The following EGR3 variants were observed in gnomAD, a reference collection of about 807,000 sequenced individuals.
EGR3 encodes the protein early growth response 3.
In EGR3, 4 loss-of-function variants were observed where a neutral mutation model predicts 22.4. The observed-to-expected ratio is 0.18, with a 90% CI of 0.09 to 0.41. EGR3 has a LOEUF of 0.41. Ranked by LOEUF, EGR3 falls within the 10% of genes least tolerant of loss-of-function variation. The probability of loss-of-function intolerance (pLI) is 1.00; values close to 1 mark genes in which losing one functional copy is unlikely to be tolerated. For missense variants in EGR3, 315 were observed against 541.3 expected, an observed-to-expected ratio of 0.58 and a Z score of 4.15; for synonymous variants, 219 against 226.8, an observed-to-expected ratio of 0.97 and a Z score of 0.31.
rs1804003668 is a variant in EGR3, at chr8:22,692,430, C to A, written c.154+361G>T. On this transcript the variant is annotated intron_variant, in intron 1 of 1. Coordinates refer to ENST00000317216, the MANE Select transcript of EGR3 (RefSeq NM_004430.3). This position sits in a 1 kb window ranked among gnomAD's most constrained non-coding sequence, Gnocchi z 6.2. ...CCGGGAAGAGGGCGACAGCACCACG[C>A]CTTGCGCGTAGCCCGGCGATCGGGC... 41 of 1,428,138 alleles carry A rather than the reference C, an allele frequency of 2.9e-5. No individual in the cohort carries two copies. Among genetic ancestry groups the A allele is most frequent in the Non-Finnish European group, 3.6e-5 (39 of 1,095,968 alleles). 88.5% of individuals were successfully genotyped at this position (1,428,138 alleles called of 1,614,324 possible).
intron 1 of EGR3, 60 bp from the exon 2 acceptor site, chr8:22,691,542 G>C (rs997767556): frequency 6.3e-7 from 1 of 1,579,690 alleles, no homozygotes; most frequent in Non-Finnish European, 8.6e-7. Context: ...TCCGGGCCGC[G>C]GCGCCCAGGT....
In EGR3 at chr8:22,692,616, C is replaced by T; in HGVS notation, c.154+175G>A. The T allele has an allele frequency of 2.1e-6, 3 of 1,441,880 alleles. No individual in the cohort carries two copies. Among genetic ancestry groups the T allele is most frequent in the Non-Finnish European group, 2.7e-6 (3 of 1,097,584 alleles). 89.3% of individuals were successfully genotyped at this position (1,441,880 alleles called of 1,614,324 possible). A position where few individuals can be genotyped will look rare whatever the true frequency, so the allele number is the denominator to read the frequency against. ...GGAGTGGGTGGGAAAAGCAACTCGCCCCCCGCAAAATTCCCAGCGCGCCCC... is the reference window on the plus strand; with the variant it reads ...GGAGTGGGTGGGAAAAGCAACTCGCTCCCCGCAAAATTCCCAGCGCGCCCC... On this transcript the variant is annotated intron_variant, in intron 1 of 1. Transcript: ENST00000317216. The surrounding 1 kb of genome is among the most constrained non-coding windows in gnomAD (Gnocchi z 6.2).
chr8:22,690,251 G>A lies in EGR3; in HGVS notation c.*222C>T, dbSNP rs1803897352. On this transcript the variant is annotated 3_prime_UTR_variant, in exon 2 of 2. Coordinates refer to ENST00000317216, the MANE Select transcript of EGR3 (RefSeq NM_004430.3). ...CTTTCCGCCCCCACGCCTTGGCTAAGTGGGGGACCGCGAGGGGAAGGCGCC... is the reference window on the plus strand; with the variant it reads ...CTTTCCGCCCCCACGCCTTGGCTAAATGGGGGACCGCGAGGGGAAGGCGCC... The A allele has an allele frequency of 7.0e-6, 4 of 575,146 alleles. No individual in the cohort carries two copies. Among genetic ancestry groups the A allele is most frequent in the Non-Finnish European group, 1.2e-5 (4 of 325,698 alleles). The allele number at this position is 575,146 out of a possible 1,614,324, so 35.6% of individuals were successfully genotyped here.
At chr8:22,691,783 T>C in intron 1 of EGR3, 1 of 985,380 alleles carries the variant, frequency 1.0e-6, no homozygotes, top group Non-Finnish European at 1.2e-6. Context: ...ATTGTTGTTC[T>C]TCCCGAGGTG....
rs1803937952 is a variant in EGR3 at position 22,691,106 on chromosome 8, T to C, written c.531A>G (p.Gln177=). 1.2e-6 allele frequency: 2 copies of C among 1,613,708 alleles called. No individual in the cohort carries two copies. Among genetic ancestry groups the C allele is most frequent in the South Asian group, 1.1e-5 (1 of 91,070 alleles). The change falls in exon 2 of 2, where the codon CAA becomes CAG. Residue 177 remains glutamine (Q), a synonymous_variant. Transcript: ENST00000317216. The part of the protein sequence containing the change: ...PGLAYSPQDY[Q]SAKPALDSNL... ...TGCTGTCCAACGCCGGCTTGGCCGA[T>C]TGGTAATCCTGGGGGGAATAGGCGA... is the stretch of plus-strand genomic sequence containing the variant.
rs1442353387 is a variant in EGR3 at position 22,693,453 on chromosome 8, G to GC, written c.-510dup. 2.6e-5 allele frequency among the ~76,000 whole-genome samples: 4 copies of GC among 151,370 alleles called. No individual in the cohort carries two copies. Among genetic ancestry groups the GC allele is most frequent in the Admixed American group, 1.3e-4 (2 of 15,204 alleles). On this transcript the variant is annotated 5_prime_UTR_variant, in exon 1 of 2. Coordinates refer to ENST00000317216, the MANE Select transcript of EGR3 (RefSeq NM_004430.3). ...CCACCACCAGCCCCGCCGCTTCCTA[G>GC]CAAGCTCACTGCTGCCCAAAAGCTC... is the stretch of plus-strand genomic sequence containing the variant.
Position 22,688,179 on chromosome 8 carries a change from G to C in EGR3, c.*2294C>G, listed in dbSNP as rs1803827808. On this transcript the variant is annotated 3_prime_UTR_variant, in exon 2 of 2. Transcript: ENST00000317216. ...AAAATCTGGATAGCACAACCTTTTG[G>C]CAACAAAGTTATTTTTCTCTTAGTT... 1.3e-5 allele frequency: 2 copies of C among 151,758 alleles called. No individual in the cohort carries two copies. The highest frequency in any genetic ancestry group is 4.2e-4 in the South Asian group (2 of 4,814). The allele number at this position is 151,758 out of a possible 1,614,324, so 9.4% of individuals were successfully genotyped here. A position where few individuals can be genotyped will look rare whatever the true frequency, so the allele number is the denominator to read the frequency against.
At position 22,691,119 on chromosome 8, in the gene EGR3, G is replaced by T. The variant is rs1212576969; in HGVS notation, c.518C>A (p.Pro173His). Reference protein sequence around the residue: ...PQGNPGLAYSPQDYQSAKPAL... With the variant: ...PQGNPGLAYSHQDYQSAKPAL... ...CGGCTTGGCCGATTGGTAATCCTGG[G>T]GGGAATAGGCGAGCCCGGGATTGCC... Residue 173 changes from proline to histidine, a missense_variant, in exon 2 of 2, where the codon CCC becomes CAC. By Grantham distance (77) the Pro-to-His change is moderately conservative. Transcript: ENST00000317216. 1.2e-6 allele frequency: 2 copies of T among 1,614,050 alleles called. No homozygotes were observed. Among genetic ancestry groups the T allele is most frequent in the Admixed American group, 3.3e-5 (2 of 60,008 alleles).
Position 22,691,084 on chromosome 8 carries a change from T to C in EGR3, c.553A>G (p.Ser185Gly). 1 of 1,613,630 alleles carries C rather than the reference T, an allele frequency of 6.2e-7. No homozygotes were observed. Among genetic ancestry groups the C allele is most frequent in the Non-Finnish European group, 8.5e-7 (1 of 1,179,602 alleles). The change falls in exon 2 of 2, where the codon AGC (serine) becomes GGC (glycine). Residue 185 changes from serine to glycine, a missense_variant. Ser to Gly is a moderately conservative substitution (Grantham distance 56, BLOSUM62 0). Coordinates refer to ENST00000317216, the MANE Select transcript of EGR3 (RefSeq NM_004430.3). ...DYQSAKPALD[S>G]NLFPMIPDYN... is the part of the protein sequence containing the mutation. The stretch of plus-strand genomic sequence containing the variant: ...TCAGGAATCATGGGGAAGAGATTGC[T>C]GTCCAACGCCGGCTTGGCCGATTGG...
rs766452967 is a variant in EGR3 at position 22,692,958 on chromosome 8, T to TGCCGCCGCC, written c.-23_-15dup. ...TTTGCCGGTCATAGCACTCCCGAGC[T>TGCCGCCGCC]GCCGCCGCCGCCGCCACCGCCGCCA... is the stretch of plus-strand genomic sequence containing the variant. On this transcript the variant is annotated 5_prime_UTR_variant, in exon 1 of 2. Transcript: ENST00000317216. The surrounding 1 kb of genome is among the most constrained non-coding windows in gnomAD (Gnocchi z 6.2). 1.1e-5 allele frequency: 18 copies of TGCCGCCGCC among 1,598,982 alleles called. No homozygotes were observed. The highest frequency in any genetic ancestry group is 5.4e-5 in the African/African-American group (4 of 73,446).
Position 22,691,171 on chromosome 8 carries a change from C to A in EGR3, c.466G>T (p.Glu156Ter). The A allele has an allele frequency of 6.2e-7, 1 of 1,614,052 alleles. No homozygotes were observed. Among genetic ancestry groups the A allele is most frequent in the Non-Finnish European group, 8.5e-7 (1 of 1,180,018 alleles). Residue 156 changes from glutamate to a stop codon, truncating the protein, a stop_gained, in exon 2 of 2, where the codon GAG (glutamate) becomes TAG (stop). Transcript: ENST00000317216. LOFTEE classifies it high-confidence loss of function. ...TGGGGGTCGTGGAAAGACACGGGCT[C>A]TGAGTAGAGGTCGCCGCAGTTGGAG... is the stretch of plus-strand genomic sequence containing the variant. ...PYSNCGDLYS[E>*]PVSFHDPQGN...
At position 22,688,824 on chromosome 8, in the gene EGR3, G is replaced by A. The variant is rs539690050; in HGVS notation, c.*1649C>T. On this transcript the variant is annotated 3_prime_UTR_variant, in exon 2 of 2. Transcript: ENST00000317216. Reference sequence around the variant, plus strand: ...CCACTTCAAAGGAGCCACCCTGTACGAGAAGGGCTGGCAGGACAGCTGGGG... The same window carrying A: ...CCACTTCAAAGGAGCCACCCTGTACAAGAAGGGCTGGCAGGACAGCTGGGG... 3.3e-5 allele frequency: 5 copies of A among 152,782 alleles called. No individual in the cohort carries two copies. Among genetic ancestry groups the A allele is most frequent in the African/African-American group, 1.2e-4 (5 of 41,564 alleles). The allele number at this position is 152,782 out of a possible 1,614,324, so 9.5% of individuals were successfully genotyped here.
Position 22,689,394 on chromosome 8 carries a change from A to G in EGR3, c.*1079T>C, listed in dbSNP as rs1803868225. On this transcript the variant is annotated 3_prime_UTR_variant, in exon 2 of 2. Coordinates refer to ENST00000317216, the MANE Select transcript of EGR3 (RefSeq NM_004430.3). ...GGGCAAAAGCAGAGCCAGCTTCCCC[A>G]TGATGGTGGGAAGGAGAAATTGCTA... 1 of 152,634 alleles carries G rather than the reference A, an allele frequency of 6.6e-6. No individual in the cohort carries two copies. The highest frequency in any genetic ancestry group is 2.4e-5 in the African/African-American group (1 of 41,448). The allele number at this position is 152,634 out of a possible 1,614,324, so 9.5% of individuals were successfully genotyped here.
chr8:22,692,676 CCCATCCAT>C lies in EGR3; in HGVS notation c.154+107_154+114del, dbSNP rs770711526. On this transcript the variant is annotated intron_variant, in intron 1 of 1. Coordinates refer to ENST00000317216, the MANE Select transcript of EGR3 (RefSeq NM_004430.3). This position sits in a 1 kb window ranked among gnomAD's most constrained non-coding sequence, Gnocchi z 6.2. Reference sequence around the variant, plus strand: ...ATCCATTTATCTATCCACCCATCCACCCATCCATCCATCCATCCATCCATCCATCCATC... The same window carrying C: ...ATCCATTTATCTATCCACCCATCCACCCATCCATCCATCCATCCATCCATC... 273 of 1,373,134 alleles carry C rather than the reference CCCATCCAT, an allele frequency of 2.0e-4. 1 individual carries two copies. Among genetic ancestry groups the C allele is most frequent in the African/African-American group, 1.1e-3 (70 of 66,636 alleles). The allele number at this position is 1,373,134 out of a possible 1,614,324, so 85.1% of individuals were successfully genotyped here.
rs1803990871 is a variant in EGR3 at position 22,692,123 on chromosome 8, G to T, written c.155-641C>A. ...TAGCCCCAGCTAGGGAGGGTGGAGA[G>T]CGGCGGAAAACCGGCCGGTGTCTCC... On this transcript the variant is annotated intron_variant, in intron 1 of 1. Transcript: ENST00000317216. This position sits in a 1 kb window ranked among gnomAD's most constrained non-coding sequence, Gnocchi z 6.2. 1 of 1,366,934 alleles carries T rather than the reference G, an allele frequency of 7.3e-7. No individual in the cohort carries two copies. The highest frequency in any genetic ancestry group is 1.5e-5 in the African/African-American group (1 of 65,408). 84.7% of individuals were successfully genotyped at this position (1,366,934 alleles called of 1,614,324 possible).
chr8:22,690,860 G>A lies in EGR3; in HGVS notation c.777C>T (p.Arg259=). 1.2e-6 allele frequency: 2 copies of A among 1,601,826 alleles called. No homozygotes were observed. Among genetic ancestry groups the A allele is most frequent in the African/African-American group, 1.3e-5 (1 of 74,844 alleles). Residue 259 remains arginine (R), a synonymous_variant, in exon 2 of 2, where the codon CGC becomes CGT. Transcript: ENST00000317216. The part of the protein sequence containing the change: ...PPLTLKPIRP[R]KYPNRPSKTP... ...TCTTGCTAGGCCGGTTGGGGTACTT[G>A]CGGGGCCGGATGGGCTTGAGGGTGA...
At position 22,690,061 on chromosome 8, in the gene EGR3, G is replaced by C. The variant is rs1372415556; in HGVS notation, c.*412C>G. On this transcript the variant is annotated 3_prime_UTR_variant, in exon 2 of 2. Transcript: ENST00000317216. Reference sequence around the variant, plus strand: ...GCGCTCCTTACCCCCTCCCCCTCTCGAGTCTTCGAGGGGGTATAGAGGGAG... The same window carrying C: ...GCGCTCCTTACCCCCTCCCCCTCTCCAGTCTTCGAGGGGGTATAGAGGGAG... The C allele has an allele frequency of 4.9e-6, 1 of 204,190 alleles. No homozygotes were observed. The highest frequency in any genetic ancestry group is 1.2e-4 in the East Asian group (1 of 8,208). 12.6% of individuals were successfully genotyped at this position (204,190 alleles called of 1,614,324 possible).
chr8:22,692,216 C>A lies in EGR3; in HGVS notation c.154+575G>T. 1 of 1,431,176 alleles carries A rather than the reference C, an allele frequency of 7.0e-7. No individual in the cohort carries two copies. Among genetic ancestry groups the A allele is most frequent in the Non-Finnish European group, 9.1e-7 (1 of 1,098,906 alleles). The allele number at this position is 1,431,176 out of a possible 1,614,324, so 88.7% of individuals were successfully genotyped here. A position where few individuals can be genotyped will look rare whatever the true frequency, so the allele number is the denominator to read the frequency against. Reference sequence around the variant, plus strand: ...ATCGTTCCCCGTGGCAGGCCCTCGCCCCGCGGGTGAACCCCCTCCTTCTCC... The same window carrying A: ...ATCGTTCCCCGTGGCAGGCCCTCGCACCGCGGGTGAACCCCCTCCTTCTCC... On this transcript the variant is annotated intron_variant, in intron 1 of 1. Coordinates refer to ENST00000317216, the MANE Select transcript of EGR3 (RefSeq NM_004430.3). This position sits in a 1 kb window ranked among gnomAD's most constrained non-coding sequence, Gnocchi z 6.2.
chr8:22,692,214 G>T lies in EGR3; in HGVS notation c.154+577C>A. 2 of 1,420,446 alleles carry T rather than the reference G, an allele frequency of 1.4e-6. No homozygotes were observed. Among genetic ancestry groups the T allele is most frequent in the Non-Finnish European group, 1.8e-6 (2 of 1,093,042 alleles). The allele number at this position is 1,420,446 out of a possible 1,614,324, so 88.0% of individuals were successfully genotyped here. On this transcript the variant is annotated intron_variant, in intron 1 of 1. Transcript: ENST00000317216. This position sits in a 1 kb window ranked among gnomAD's most constrained non-coding sequence, Gnocchi z 6.2. ...GGATCGTTCCCCGTGGCAGGCCCTC[G>T]CCCCGCGGGTGAACCCCCTCCTTCT...
Sources: allele counts gnomAD v4.1 joint callset (sites outside exome capture counted in the v4.1 genomes callset), GRCh38; gene constraint gnomAD v4.1.1; non-coding constraint Gnocchi (gnomAD v3.1); transcripts MANE v1.5; gene names NCBI Gene and HGNC (gene_info 2026-07-23, HGNC 2026-07-21).